The following SHLD1 variants were observed in gnomAD, a reference collection of about 807,000 sequenced individuals.
SHLD1 encodes RINN1-REV7-interacting novel NHEJ regulator 3.
Under a neutral mutation model 5.5 loss-of-function variants are expected in SHLD1, and 3 were observed. The ratio of observed to expected loss-of-function variants is 0.54; its 90% CI spans 0.25 to 1.40. The LOEUF is 1.40. Ranked by LOEUF, SHLD1 falls within the 40% of genes most tolerant of loss-of-function variation. SHLD1 has a pLI of 0.15. For missense variants in SHLD1, 210 were observed against 244.4 expected (o/e 0.86, Z 0.94); for synonymous variants, 92 against 94.3 (o/e 0.98, Z 0.14).
At chr20:5,844,240 T>C (rs556339677) in intron 2 of SHLD1, among the ~76,000 whole-genome samples, 1 of 152,342 alleles carries the variant, frequency 6.6e-6, no homozygotes, top group South Asian at 2.1e-4. Context: ...GAACTCTAGA[T>C]CTTCTCTGCC....
At chr20:5,845,368 ACT>A (rs952880958) in intron 2 of SHLD1, among the ~76,000 whole-genome samples, 1 of 152,188 alleles carries the variant, frequency 6.6e-6, no homozygotes, top group African/African-American at 2.4e-5. Context: ...ATGTGAAGTA[ACT>A]TGCCCAGGAT....
rs758762977 is a variant in SHLD1, at chr20:5,823,636, CAG to C, written c.179-39387_179-39386del. Among the ~76,000 whole-genome samples, 12 of 151,968 alleles carry C rather than the reference CAG, an allele frequency of 7.9e-5. No individual in the cohort carries two copies. The East Asian group carries it at 1.9e-3, about 25-fold the overall frequency. ...TTAATTTTTGTATTTTTAGTAGAGA[CAG>C]GGTTTCACCATGTTGGCCAGGCTGG... is the stretch of plus-strand genomic sequence containing the variant. On this transcript the variant is annotated intron_variant, in intron 2 of 2. Coordinates refer to ENST00000303142, the MANE Select transcript of SHLD1 (RefSeq NM_152504.4).
chr20:5,824,891 C>T (rs2087648779), intron 2 of SHLD1, among the ~76,000 whole-genome samples: 4 of 152,162 alleles, frequency 2.6e-5, no homozygotes, highest in Admixed American at 2.6e-4. Context: ...CGTACTTTGA[C>T]TGCTACGGTC....
intron 2 of SHLD1, among the ~76,000 whole-genome samples, chr20:5,797,385 A>T (rs2122325360): frequency 6.6e-6 from 1 of 152,124 alleles, no homozygotes; most frequent in Admixed American, 6.5e-5. Context: ...ACATAGTGAG[A>T]CCCCATCTCT....
rs756909286 is a variant in SHLD1 at position 5,863,265 on chromosome 20, T to G, written c.420T>G (p.Tyr140Ter). ...TQLRGQESQK[Y>*]ALRSFQMARV... ...TAAGAGGCCAGGAGAGCCAAAAGTA[T>G]GCCCTCCGCAGTTTTCAAATGGCCC... is the stretch of plus-strand genomic sequence containing the variant. Residue 140 changes from tyrosine to a stop codon, truncating the protein, a stop_gained, in exon 3 of 3, where the codon TAT becomes TAG. Transcript: ENST00000303142. LOFTEE classifies it low-confidence loss of function (END_TRUNC). The G allele has an allele frequency of 6.2e-7, 1 of 1,614,074 alleles. No individual in the cohort carries two copies. The highest frequency in any genetic ancestry group is 8.5e-7 in the Non-Finnish European group (1 of 1,180,034).
chr20:5,790,265 T>G (rs543657986), intron 2 of SHLD1, among the ~76,000 whole-genome samples: 4 of 152,102 alleles, frequency 2.6e-5, no homozygotes, highest in Admixed American at 1.3e-4. Flanking sequence ...ATTCCCATAC[T>G]CTGAGCATGA....
chr20:5,800,621 G>A (rs2087278421), intron 2 of SHLD1, among the ~76,000 whole-genome samples: 2 of 152,084 alleles, frequency 1.3e-5, no homozygotes, highest in South Asian at 4.1e-4. Context: ...ACCTGGGGCG[G>A]AGGTTGCAGT....
At chr20:5,856,977 ATTTTG>A (rs375384449) in intron 2 of SHLD1, among the ~76,000 whole-genome samples, 58 of 151,888 alleles carry the variant, frequency 3.8e-4, no homozygotes, top group Admixed American at 3.7e-3. Context: ...TTTTGTTTCT[ATTTTG>A]TTTTGTTTTG....
At chr20:5,820,429 G>A (rs1290036951) in intron 2 of SHLD1, among the ~76,000 whole-genome samples, 2 of 152,246 alleles carry the variant, frequency 1.3e-5, no homozygotes, top group Non-Finnish European at 2.9e-5. Flanking sequence ...ATGAGCAGCT[G>A]CTATGTGCTG....
At chr20:5,801,452 A>G (rs1203220827) in intron 2 of SHLD1, among the ~76,000 whole-genome samples, 4 of 152,214 alleles carry the variant, frequency 2.6e-5, no homozygotes, top group Admixed American at 2.6e-4. Context: ...TTGGCAGTTG[A>G]ATGCTCTGCC....
At chr20:5,794,742 T>C (rs1333031474) in intron 2 of SHLD1, among the ~76,000 whole-genome samples, 1 of 152,170 alleles carries the variant, frequency 6.6e-6, no homozygotes, top group Non-Finnish European at 1.5e-5. Flanking sequence ...AGCAAAGCCA[T>C]GTTTGTGAGA....
Position 5,776,319 on chromosome 20 carries a change from C to T in SHLD1, c.178+3276C>T, listed in dbSNP as rs115495016. On this transcript the variant is annotated intron_variant, in intron 2 of 2. Coordinates refer to ENST00000303142, the MANE Select transcript of SHLD1 (RefSeq NM_152504.4). ...GGCTGGAAAGTCTAAGGTCAAGGTG[C>T]CAGCAGATTTGGTGTCTGGTGCTGT... Among the ~76,000 whole-genome samples the T allele has an allele frequency of 5.4e-3, 828 of 152,242 alleles. 10 individuals carry two copies. Among genetic ancestry groups the T allele is most frequent in the African/African-American group, 0.019 (784 of 41,544 alleles).
intron 1 of SHLD1, among the ~76,000 whole-genome samples, chr20:5,764,158 T>TTATATATATATATATATATTTTTA (rs1204952037): frequency 4.6e-4 from 33 of 72,038 alleles, no homozygotes; most frequent in African/African-American, 1.6e-3. Flanking sequence ...ATATTTATAT[T>TTATATATATATATATATATTTTTA]TATATATATA....
intron 2 of SHLD1, among the ~76,000 whole-genome samples, chr20:5,780,007 C>T (rs1985618463): frequency 1.8e-5 from 2 of 110,710 alleles, no homozygotes; most frequent in Admixed American, 1.4e-4. Context: ...GAGACAGAGT[C>T]TTGCTCTGTC....
chr20:5,815,134 A>T lies in SHLD1; in HGVS notation c.178+42091A>T, dbSNP rs568691379. On this transcript the variant is annotated intron_variant, in intron 2 of 2. Coordinates refer to ENST00000303142, the MANE Select transcript of SHLD1 (RefSeq NM_152504.4). ...TTGAGCTTTTTTCTCTCCTGAGCAG[A>T]TACGCTTGTTGGATTGCATTAAATG... 2.2e-4 allele frequency among the ~76,000 whole-genome samples: 34 copies of T among 152,196 alleles called. No homozygotes were observed. The East Asian group carries it at 6.6e-3, about 29-fold the overall frequency.
intron 2 of SHLD1, among the ~76,000 whole-genome samples, chr20:5,847,013 A>T (rs1315405712): frequency 6.6e-6 from 1 of 151,834 alleles, no homozygotes; most frequent in African/African-American, 2.4e-5. Flanking sequence ...AAGCCCTCGA[A>T]CTCCCCTGCT....
chr20:5,819,179 T>G (rs1024086743), intron 2 of SHLD1, among the ~76,000 whole-genome samples: 1 of 152,038 alleles, frequency 6.6e-6, no homozygotes, highest in African/African-American at 2.4e-5. Context: ...ACTTCTTAAT[T>G]CAGTCCCACT....
chr20:5,771,678 A>G (rs173162), intron 1 of SHLD1, among the ~76,000 whole-genome samples: 87,221 of 150,752 alleles, frequency 0.58, 25,608 homozygotes, highest in African/African-American at 0.69. Context: ...GCAGTGGTGC[A>G]ATCTCGGCTC....
At chr20:5,820,771 C>T (rs906336321) in intron 2 of SHLD1, among the ~76,000 whole-genome samples, 12 of 152,192 alleles carry the variant, frequency 7.9e-5, no homozygotes, top group Non-Finnish European at 1.8e-4. Flanking sequence ...ATCTTTTCTC[C>T]TTTTTGTCTC....
Sources: allele counts gnomAD v4.1 joint callset (sites outside exome capture counted in the v4.1 genomes callset), GRCh38; gene constraint gnomAD v4.1.1; transcripts MANE v1.5; gene names NCBI Gene and HGNC (gene_info 2026-07-23, HGNC 2026-07-21).